Variants in RYR3 observed in about 807,000 individuals in gnomAD.
RYR3 encodes the protein ryanodine receptor 3, also known as brain ryanodine receptor-calcium release channel.
Under a neutral mutation model 584.3 loss-of-function variants are expected in RYR3, and 207 were observed. The observed-to-expected ratio is 0.35, with a 90% confidence interval of 0.32 to 0.40. The LOEUF is 0.40. Among genes scored for constraint, RYR3 ranks in the 10% least tolerant of loss-of-function variants. RYR3 has a pLI of 1.00. For synonymous variants in RYR3, 2,416 were observed against 2,248.5 expected (o/e 1.07, Z -2.11); for missense variants, 5,616 against 6,089.2 (o/e 0.92, Z 2.59).
intron 15 of RYR3, among the ~76,000 whole-genome samples, chr15:33,585,474 A>G (rs1451586967): frequency 6.6e-6 from 1 of 152,194 alleles, no homozygotes; most frequent in Non-Finnish European, 1.5e-5. Flanking sequence ...GGGAAAAGCC[A>G]AATAGACTTT....
chr15:33,841,653 G>T (rs2078370953), intron 90 of RYR3: 2 of 520,854 alleles, frequency 3.8e-6, no homozygotes, highest in African/African-American at 3.8e-5. Flanking sequence ...CTTGTATATA[G>T]CTGATGTTCA....
In RYR3 at chr15:33,628,593, A is replaced by G. The variant is rs2061115224; in HGVS notation, c.2679+18A>G. ...TCGGCAAGGTATGTGTCTCAGGGCCAGGTTAGGGTGGAGGGTGGGATTGCC... is the reference window on the plus strand; with the variant it reads ...TCGGCAAGGTATGTGTCTCAGGGCCGGGTTAGGGTGGAGGGTGGGATTGCC... On this transcript the variant is annotated intron_variant, in intron 21 of 103. Transcript: ENST00000634891. The G allele has an allele frequency of 6.6e-7, 1 of 1,510,132 alleles. No individual in the cohort carries two copies. Among genetic ancestry groups the G allele is most frequent in the Admixed American group, 1.7e-5 (1 of 59,816 alleles). The allele number at this position is 1,510,132 out of a possible 1,614,324, so 93.5% of individuals were successfully genotyped here.
chr15:33,534,930 G>T (rs1292738354), intron 5 of RYR3, among the ~76,000 whole-genome samples: 1 of 152,172 alleles, frequency 6.6e-6, no homozygotes, highest in Non-Finnish European at 1.5e-5. Flanking sequence ...AGGATTCTTT[G>T]TTGCAAACAA....
chr15:33,760,129 G>A (rs1041649752), intron 60 of RYR3, among the ~76,000 whole-genome samples: 1 of 152,160 alleles, frequency 6.6e-6, no homozygotes, highest in Non-Finnish European at 1.5e-5. Flanking sequence ...AAGAGCTCCT[G>A]AAGGAAGCAG....
Position 33,352,868 on chromosome 15 carries a change from G to T in RYR3, c.51+41772G>T, listed in dbSNP as rs72725455. On this transcript the variant is annotated intron_variant, in intron 1 of 103. Coordinates refer to ENST00000634891, the MANE Select transcript of RYR3 (RefSeq NM_001036.6). ...GATTTCTAGGAAGTAGGTTCAAGCA[G>T]TTCCAAATATTTCACTTAACACACG... Among the ~76,000 whole-genome samples the T allele has an allele frequency of 6.6e-3, 1,002 of 152,306 alleles. 4 individuals carry two copies. The highest frequency in any genetic ancestry group is 0.011 in the Non-Finnish European group (743 of 68,026).
At chr15:33,853,763 G>T in intron 96 of RYR3, 81 bp downstream of exon 96, 1 of 1,525,314 alleles carries the variant, frequency 6.6e-7, no homozygotes, top group Non-Finnish European at 8.8e-7. Flanking sequence ...AATCACAACC[G>T]TGTCTTTGTT....
chr15:33,853,622 A>G lies in RYR3; in HGVS notation c.13739A>G (p.Asn4580Ser), dbSNP rs763550620. 1 of 1,614,004 alleles carries G rather than the reference A, an allele frequency of 6.2e-7. No individual in the cohort carries two copies. Among genetic ancestry groups the G allele is most frequent in the East Asian group, 2.2e-5 (1 of 44,876 alleles). The change falls in exon 96 of 104, where the codon AAT becomes AGT. Residue 4580 changes from asparagine to serine, a missense_variant. Asn to Ser is a conservative substitution (Grantham distance 46, BLOSUM62 1). Around this residue, in one of 9 missense-constraint regions of RYR3, gnomAD observed 918 missense variants for 887.4 expected, o/e 1.03. Coordinates refer to ENST00000634891, the MANE Select transcript of RYR3 (RefSeq NM_001036.6). ...RIAELLGLDK[N>S]ALDFSPVEET... The stretch of plus-strand genomic sequence containing the variant: ...GCTGAACTTCTGGGTTTGGACAAAA[A>G]TGCTCTTGACTTTAGCCCAGTAGAA...
intron 87 of RYR3, among the ~76,000 whole-genome samples, chr15:33,836,102 GGGTTTTT>G (rs978051511): frequency 1.4e-5 from 2 of 145,458 alleles, no homozygotes; most frequent in African/African-American, 5.0e-5. Context: ...AGCTATGGTT[GGGTTTTT>G]GGTTTTTGGT....
chr15:33,801,998 C>A (rs775862225), intron 69 of RYR3, 37 bp downstream of exon 69: 13 of 1,255,206 alleles, frequency 1.0e-5, no homozygotes, highest in Non-Finnish European at 8.2e-6. Flanking sequence ...AACTCTTCAA[C>A]CCTAACCTCA....
chr15:33,327,735 C>T (rs1969900401), intron 1 of RYR3, among the ~76,000 whole-genome samples: 1 of 152,068 alleles, frequency 6.6e-6, no homozygotes, highest in South Asian at 2.1e-4. Context: ...CCTTCCTCCC[C>T]ATCTCTATCT....
intron 1 of RYR3, among the ~76,000 whole-genome samples, chr15:33,331,505 C>T (rs1198293614): frequency 6.6e-6 from 1 of 152,076 alleles, no homozygotes; most frequent in South Asian, 2.1e-4. Flanking sequence ...TTTCTTGCTT[C>T]ACTTGGTAAT....
At chr15:33,805,633 A>G (rs1027312910) in intron 69 of RYR3, among the ~76,000 whole-genome samples, 5 of 151,724 alleles carry the variant, frequency 3.3e-5, no homozygotes, top group South Asian at 2.1e-4. Context: ...GCCCGCCACC[A>G]CGCCCGGCTA....
chr15:33,770,207 C>G (rs548588699), intron 62 of RYR3, among the ~76,000 whole-genome samples: 31 of 151,298 alleles, frequency 2.0e-4, no homozygotes, highest in Admixed American at 9.9e-4. Context: ...GGTTACCAAC[C>G]TAAAAGAGTG....
chr15:33,589,401 C>T (rs1468101006), intron 16 of RYR3, among the ~76,000 whole-genome samples: 10 of 152,134 alleles, frequency 6.6e-5, no homozygotes, highest in Admixed American at 6.5e-4. Flanking sequence ...TTCTCCTATT[C>T]TATAGGTTTT....
chr15:33,422,410 C>T (rs2044302693), intron 1 of RYR3, among the ~76,000 whole-genome samples: 1 of 152,060 alleles, frequency 6.6e-6, no homozygotes, highest in Admixed American at 6.6e-5. Context: ...TATGGAATGG[C>T]ATATTTCCTG....
chr15:33,612,753 A>G (rs1223475874), intron 18 of RYR3, among the ~76,000 whole-genome samples: 1 of 152,194 alleles, frequency 6.6e-6, no homozygotes. Context: ...TTTTTGAGGA[A>G]GTAGAAGACA....
chr15:33,312,548 G>A (rs1174065661), intron 1 of RYR3, among the ~76,000 whole-genome samples: 3 of 152,086 alleles, frequency 2.0e-5, no homozygotes, highest in Non-Finnish European at 4.4e-5. Context: ...TTATAAAGCT[G>A]CCTGCTCCCC....
chr15:33,330,607 A>G (rs935732852), intron 1 of RYR3, among the ~76,000 whole-genome samples: 1 of 152,118 alleles, frequency 6.6e-6, no homozygotes, highest in Non-Finnish European at 1.5e-5. Context: ...AGTTGATTTG[A>G]ATTAGAGTAT....
intron 92 of RYR3, among the ~76,000 whole-genome samples, chr15:33,844,467 C>T (rs952109578): frequency 1.3e-5 from 2 of 152,160 alleles, no homozygotes; most frequent in African/African-American, 4.8e-5. Context: ...TACTGAGTCT[C>T]TGGCTGGGTG....
Sources: allele counts gnomAD v4.1 joint callset (sites outside exome capture counted in the v4.1 genomes callset), GRCh38; gene constraint gnomAD v4.1.1; regional missense constraint gnomAD v4.1.1; transcripts MANE v1.5; gene names NCBI Gene and HGNC (gene_info 2026-07-23, HGNC 2026-07-21).